The following CAMK2D variants were observed in gnomAD, a reference collection of about 807,000 sequenced individuals.
CAMK2D encodes the protein calcium/calmodulin-dependent protein kinase type II subunit delta.
CAMK2D carries 37 observed loss-of-function variants against 84.0 expected under a neutral mutation model. That is an observed-to-expected ratio of 0.44 (90% CI 0.34 to 0.58). The LOEUF is 0.58. CAMK2D is among the 20% of genes least tolerant of loss of function. The pLI is 0.02. For synonymous variants in CAMK2D, 202 were observed against 212.5 expected (o/e 0.95, Z 0.43); for missense variants, 448 against 652.5 (o/e 0.69, Z 3.41).
At chr4:113,693,142 A>AGAAT (rs1209629565) in intron 2 of CAMK2D, among the ~76,000 whole-genome samples, 1 of 152,160 alleles carries the variant, frequency 6.6e-6, no homozygotes, top group African/African-American at 2.4e-5. Context: ...GAAGGCAAGA[A>AGAAT]GTATTCTGAG....
At chr4:113,567,419 C>T (rs1300994733) in intron 4 of CAMK2D, among the ~76,000 whole-genome samples, 1 of 152,114 alleles carries the variant, frequency 6.6e-6, no homozygotes, top group Non-Finnish European at 1.5e-5. Context: ...CTGCCTGCCG[C>T]AGCCTCCCAA....
intron 2 of CAMK2D, among the ~76,000 whole-genome samples, chr4:113,676,353 A>G (rs1182190223): frequency 6.6e-6 from 1 of 152,126 alleles, no homozygotes. Flanking sequence ...GGAGTTAAAA[A>G]TCACAGTTGC....
chr4:113,651,981 T>A (rs1158757283), intron 3 of CAMK2D, among the ~76,000 whole-genome samples: 1 of 152,178 alleles, frequency 6.6e-6, no homozygotes, highest in African/African-American at 2.4e-5. Flanking sequence ...GAACAAGGAC[T>A]AATAATAAAT....
chr4:113,480,151 CAG>C (rs1422074514), intron 16 of CAMK2D, among the ~76,000 whole-genome samples: 1 of 152,104 alleles, frequency 6.6e-6, no homozygotes, highest in African/African-American at 2.4e-5. Flanking sequence ...TTAGTAGAGA[CAG>C]GGTTTCACTG....
intron 2 of CAMK2D, among the ~76,000 whole-genome samples, chr4:113,696,158 A>G (rs2099401822): frequency 6.7e-6 from 1 of 150,256 alleles, no homozygotes; most frequent in Admixed American, 6.8e-5. Flanking sequence ...TAAAATTGCA[A>G]CGCACACCAC....
chr4:113,700,317 G>C (rs999677430), intron 2 of CAMK2D, among the ~76,000 whole-genome samples: 3 of 152,112 alleles, frequency 2.0e-5, no homozygotes, highest in African/African-American at 7.2e-5. Flanking sequence ...AGACCAAGGA[G>C]GGATAAATTC....
At chr4:113,728,259 C>T (rs2099552078) in intron 2 of CAMK2D, among the ~76,000 whole-genome samples, 1 of 152,092 alleles carries the variant, frequency 6.6e-6, no homozygotes. Context: ...CTAAATGTCC[C>T]TCAACAGGTG....
chr4:113,697,153 AG>A (rs997313521), intron 2 of CAMK2D, among the ~76,000 whole-genome samples: 4 of 152,106 alleles, frequency 2.6e-5, no homozygotes, highest in African/African-American at 9.7e-5. Context: ...TGAAGAAAGA[AG>A]GGAAGGCAAA....
At chr4:113,575,484 C>A (rs894193767) in intron 4 of CAMK2D, among the ~76,000 whole-genome samples, 5 of 152,052 alleles carry the variant, frequency 3.3e-5, no homozygotes, top group African/African-American at 1.2e-4. Flanking sequence ...CTTAAAGACC[C>A]CGGATCATAA....
chr4:113,612,576 T>G (rs988321757), intron 3 of CAMK2D, among the ~76,000 whole-genome samples: 3 of 152,170 alleles, frequency 2.0e-5, no homozygotes, highest in Non-Finnish European at 4.4e-5. Context: ...CACATATGAG[T>G]GGACGCAATT....
intron 3 of CAMK2D, among the ~76,000 whole-genome samples, chr4:113,632,689 T>C (rs1028772686): frequency 6.6e-6 from 1 of 152,158 alleles, no homozygotes; most frequent in African/African-American, 2.4e-5. Flanking sequence ...TGTAAGTCAT[T>C]GTCCTGTCAT....
intron 3 of CAMK2D, among the ~76,000 whole-genome samples, chr4:113,609,579 T>C (rs867370144): frequency 1.3e-4 from 20 of 152,234 alleles, no homozygotes; most frequent in African/African-American, 4.8e-4. Flanking sequence ...TACCAGGTTC[T>C]GGCAATTCTT....
chr4:113,597,107 C>T (rs1361434939), intron 4 of CAMK2D, among the ~76,000 whole-genome samples: 4 of 152,084 alleles, frequency 2.6e-5, no homozygotes, highest in Admixed American at 6.5e-5. Flanking sequence ...CATGAGCCAC[C>T]GCGCCTGGCC....
At chr4:113,721,209 A>T (rs2099529567) in intron 2 of CAMK2D, among the ~76,000 whole-genome samples, 1 of 152,146 alleles carries the variant, frequency 6.6e-6, no homozygotes, top group South Asian at 2.1e-4. Flanking sequence ...GTGAATTTTC[A>T]ATTTAATTAC....
At chr4:113,687,636 T>C (rs1243538892) in intron 2 of CAMK2D, among the ~76,000 whole-genome samples, 1 of 152,226 alleles carries the variant, frequency 6.6e-6, no homozygotes, top group Non-Finnish European at 1.5e-5. Flanking sequence ...TTTCGGTCTC[T>C]AAGGGTTTTT....
At chr4:113,583,493 CAACT>C (rs2098820010) in intron 4 of CAMK2D, among the ~76,000 whole-genome samples, 1 of 152,126 alleles carries the variant, frequency 6.6e-6, no homozygotes, top group Non-Finnish European at 1.5e-5. Flanking sequence ...AACTTGGACT[CAACT>C]GGTAAAAATG....
chr4:113,549,237 G>A (rs6811112), intron 5 of CAMK2D, among the ~76,000 whole-genome samples: 1,556 of 152,216 alleles, frequency 0.01, 27 homozygotes, highest in African/African-American at 0.035. Context: ...TTACCATTTC[G>A]CCTTAGAAGC....
At chr4:113,560,930 G>A (rs2098695407) in intron 4 of CAMK2D, among the ~76,000 whole-genome samples, 1 of 152,158 alleles carries the variant, frequency 6.6e-6, no homozygotes, top group African/African-American at 2.4e-5. Flanking sequence ...AGAGAGGAGA[G>A]AATAATGAAT....
chr4:113,653,730 C>A (rs570944652), intron 3 of CAMK2D, among the ~76,000 whole-genome samples: 8 of 152,060 alleles, frequency 5.3e-5, no homozygotes, highest in Non-Finnish European at 8.8e-5. Flanking sequence ...AATATTGGTA[C>A]AATAAACACA....
Sources: allele counts gnomAD v4.1 joint callset (sites outside exome capture counted in the v4.1 genomes callset), GRCh38; gene constraint gnomAD v4.1.1; transcripts MANE v1.5; gene names NCBI Gene and HGNC (gene_info 2026-07-23, HGNC 2026-07-21).